The following ETS1 variants were observed in gnomAD, a reference collection of about 807,000 sequenced individuals.
ETS1 encodes protein C-ets-1.
ETS1 carries 15 observed loss-of-function variants against 58.6 expected under a neutral mutation model. The ratio of observed to expected loss-of-function variants is 0.26; its 90% confidence interval spans 0.17 to 0.39. The LOEUF (loss-of-function observed/expected upper bound fraction) is 0.39. ETS1 is among the 10% of genes least tolerant of loss of function. ETS1 has a pLI of 1.00. For missense variants in ETS1, 417 were observed against 610.5 expected (o/e 0.68, Z 3.34); for synonymous variants, 214 against 218.2 (o/e 0.98, Z 0.17).
At chr11:128,560,387 A>G (rs1864386094) in intron 2 of ETS1, among the ~76,000 whole-genome samples, 1 of 152,240 alleles carries the variant, frequency 6.6e-6, no homozygotes, top group South Asian at 2.1e-4. Flanking sequence ...TGCTGGGATT[A>G]CAGGCGTGAG....
At chr11:128,532,811 C>T (rs1297829631) in intron 3 of ETS1, among the ~76,000 whole-genome samples, 2 of 152,164 alleles carry the variant, frequency 1.3e-5, no homozygotes, top group Admixed American at 1.3e-4. Flanking sequence ...GAGATCACAG[C>T]CCTCATGCTG....
intron 8 of ETS1, among the ~76,000 whole-genome samples, chr11:128,476,147 C>T (rs1254172238): frequency 6.6e-6 from 1 of 152,150 alleles, no homozygotes; most frequent in Non-Finnish European, 1.5e-5. Context: ...AAGGGCATTA[C>T]CACCAGACCT....
chr11:128,552,797 T>G (rs1490307272), intron 3 of ETS1, among the ~76,000 whole-genome samples: 1 of 152,114 alleles, frequency 6.6e-6, no homozygotes, highest in East Asian at 1.9e-4. Flanking sequence ...TGACTTCAGC[T>G]AGGTCTAGGC....
At chr11:128,529,762 C>T (rs953930868) in intron 3 of ETS1, among the ~76,000 whole-genome samples, 13 of 152,228 alleles carry the variant, frequency 8.5e-5, no homozygotes, top group African/African-American at 2.9e-4. Context: ...TGCAGTCATC[C>T]ACAAACATTT....
At position 128,549,504 on chromosome 11, in the gene ETS1, G is replaced by A. The variant is rs1486583605; in HGVS notation, c.214+6787C>T. ...TTCCCAACTCGGACCAAATATTTGTGGTTTGAAAAAGTTGAGAGAACGTTT... is the reference window on the plus strand; with the variant it reads ...TTCCCAACTCGGACCAAATATTTGTAGTTTGAAAAAGTTGAGAGAACGTTT... On this transcript the variant is annotated intron_variant, in intron 3 of 9. Transcript: ENST00000392668. The surrounding 1 kb of genome is among the most constrained non-coding windows in gnomAD (Gnocchi z 4.3). Among the ~76,000 whole-genome samples, 10 of 152,216 alleles carry A rather than the reference G, an allele frequency of 6.6e-5. No individual in the cohort carries two copies. The highest frequency in any genetic ancestry group is 1.5e-4 in the Non-Finnish European group (10 of 68,036).
rs181333214 is a variant in ETS1, at chr11:128,547,812, G to A, written c.214+8479C>T. 4.1e-3 allele frequency among the ~76,000 whole-genome samples: 625 copies of A among 152,202 alleles called. 1 individual carries two copies. The highest frequency in any genetic ancestry group is 0.014 in the African/African-American group (593 of 41,500). On this transcript the variant is annotated intron_variant, in intron 3 of 9. Transcript: ENST00000392668. ...TATTTTTAAAAAATAGGGATGATGG[G>A]GAGGGTGTGGCCAACTGACTAGATC...
At chr11:128,509,551 T>A (rs1349706256) in intron 3 of ETS1, among the ~76,000 whole-genome samples, 9 of 3,774 alleles carry the variant, frequency 2.4e-3, no homozygotes, top group Non-Finnish European at 3.7e-3. Flanking sequence ...CAGGTGAAAA[T>A]TTTTTTTTTT....
chr11:128,548,515 G>A (rs972788677), intron 3 of ETS1, among the ~76,000 whole-genome samples: 3 of 152,154 alleles, frequency 2.0e-5, no homozygotes, highest in Non-Finnish European at 4.4e-5. Context: ...TTTGTTAAAC[G>A]GTAACGACAC....
At chr11:128,466,290 C>T (rs577249860) in intron 8 of ETS1, among the ~76,000 whole-genome samples, 7 of 152,286 alleles carry the variant, frequency 4.6e-5, no homozygotes, top group Admixed American at 1.3e-4. Context: ...CTCTTTGGGG[C>T]ACGGGGTCTC....
At chr11:128,572,717 A>G (rs1664240464) in intron 2 of ETS1, among the ~76,000 whole-genome samples, 1 of 152,192 alleles carries the variant, frequency 6.6e-6, no homozygotes, top group African/African-American at 2.4e-5. Context: ...GTTCAATTAT[A>G]ATATGTATAG....
chr11:128,471,587 T>C (rs1049038078), intron 8 of ETS1, among the ~76,000 whole-genome samples: 1 of 152,164 alleles, frequency 6.6e-6, no homozygotes, highest in African/African-American at 2.4e-5. Context: ...AGGAAGTGGG[T>C]TTCTTTATAG....
intron 3 of ETS1, among the ~76,000 whole-genome samples, chr11:128,529,279 AT>A (rs776955506): frequency 6.6e-6 from 1 of 152,216 alleles, no homozygotes; most frequent in Non-Finnish European, 1.5e-5. Context: ...ATTTTGAAAT[AT>A]ATCTTCTGGC....
At chr11:128,562,776 C>T (rs974273612) in intron 2 of ETS1, among the ~76,000 whole-genome samples, 1 of 152,176 alleles carries the variant, frequency 6.6e-6, no homozygotes, top group Admixed American at 6.5e-5. Flanking sequence ...TGTGACCCTT[C>T]CCTAGCACCA....
chr11:128,569,785 C>T (rs1282041881), intron 2 of ETS1, among the ~76,000 whole-genome samples: 3 of 152,154 alleles, frequency 2.0e-5, no homozygotes, highest in Admixed American at 1.3e-4. Flanking sequence ...TTGCCTAAAT[C>T]GTTTCAGGGA....
At chr11:128,484,742 A>C in intron 7 of ETS1, 81 bp downstream of exon 7, 1 of 1,386,192 alleles carries the variant, frequency 7.2e-7, no homozygotes, top group South Asian at 1.4e-5. Flanking sequence ...ATAAGAAAAA[A>C]AAAATGGAAC....
chr11:128,470,451 T>A (rs1469382092), intron 8 of ETS1, among the ~76,000 whole-genome samples: 1 of 152,146 alleles, frequency 6.6e-6, no homozygotes, highest in Non-Finnish European at 1.5e-5. Flanking sequence ...ACTTTTTCCT[T>A]TCCTAAAATG....
rs117333974 is a variant in ETS1, at chr11:128,469,852, A to G, written c.1124-6225T>C. ...ATTTTCTTTGCCCCACCCTGACCCA[A>G]TCTTATCTCATCTCTAACACACTCC... On this transcript the variant is annotated intron_variant, in intron 8 of 9. Transcript: ENST00000392668. Among the ~76,000 whole-genome samples the G allele has an allele frequency of 1.9e-4, 29 of 152,258 alleles. 1 individual carries two copies. The East Asian group carries it at 5.6e-3, about 29-fold the overall frequency.
chr11:128,579,404 G>A (rs1350351136), intron 1 of ETS1, among the ~76,000 whole-genome samples: 1 of 152,108 alleles, frequency 6.6e-6, no homozygotes, highest in Non-Finnish European at 1.5e-5. Flanking sequence ...GCTCACGCCT[G>A]TAATTCCAGC....
At chr11:128,508,789 T>C (rs777875844) in intron 3 of ETS1, among the ~76,000 whole-genome samples, 1 of 152,222 alleles carries the variant, frequency 6.6e-6, no homozygotes, top group Non-Finnish European at 1.5e-5. Context: ...CGTAAAGAGA[T>C]TTGTGACTAG....
Sources: gnomAD v4.1 joint callset for allele counts (sites outside exome capture counted in the v4.1 genomes callset) on GRCh38, gnomAD v4.1.1 for gene constraint, Gnocchi (gnomAD v3.1) non-coding constraint, MANE v1.5 for transcripts, NCBI Gene and HGNC (gene_info 2026-07-23, HGNC 2026-07-21) for gene names.